The following IQSEC1 variants were observed in gnomAD, a reference collection of about 807,000 sequenced individuals.
IQSEC1 encodes the protein IQ motif and SEC7 domain-containing protein 1.
IQSEC1 carries 31 observed loss-of-function variants against 91.0 expected under a neutral mutation model. That is an observed-to-expected ratio of 0.34 (90% confidence interval 0.26 to 0.46). IQSEC1 has a LOEUF of 0.46. Among genes scored for constraint, IQSEC1 ranks in the 20% least tolerant of loss-of-function variants. The pLI, the probability that IQSEC1 is intolerant of heterozygous loss-of-function variation, is 1.00. For synonymous variants in IQSEC1, 699 were observed against 662.6 expected, an observed-to-expected ratio of 1.05 and a Z score of -0.84; for missense variants, 1,388 against 1,575.6, an observed-to-expected ratio of 0.88 and a Z score of 2.02.
chr3:13,196,217 C>T (rs754328826), intron 1 of IQSEC1, among the ~76,000 whole-genome samples: 1 of 152,090 alleles, frequency 6.6e-6, no homozygotes, highest in Non-Finnish European at 1.5e-5. Context: ...TCAGCTAGGT[C>T]CCAAGAGGAT....
chr3:13,068,013 G>A (rs193267323), intron 1 of IQSEC1, among the ~76,000 whole-genome samples: 39 of 152,336 alleles, frequency 2.6e-4, no homozygotes, highest in Admixed American at 1.9e-3. Context: ...TTGCTGGCCC[G>A]CAGGCAAACC....
chr3:12,941,882 G>A lies in IQSEC1; in HGVS notation c.24-17C>T. The stretch of plus-strand genomic sequence containing the variant: ...CCCTCGACGCTGCAGAGGAGAGAGA[G>A]GTGAGAAGCTTCTGGTAAGCGGGAA... On this transcript the variant is annotated splice_polypyrimidine_tract_variant and intron_variant, in intron 1 of 13. Transcript: ENST00000613206. 6.4e-7 allele frequency: 1 copy of A among 1,562,082 alleles called. No homozygotes were observed. The highest frequency in any genetic ancestry group is 1.2e-5 in the South Asian group (1 of 86,322).
intron 6 of IQSEC1, among the ~76,000 whole-genome samples, chr3:12,916,163 C>A (rs1408964153): frequency 1.3e-5 from 2 of 152,190 alleles, no homozygotes; most frequent in African/African-American, 4.8e-5. Flanking sequence ...CCTACTTTCA[C>A]CCTTACTAGC....
At chr3:13,196,234 A>G (rs1420998588) in intron 1 of IQSEC1, among the ~76,000 whole-genome samples, 2 of 152,136 alleles carry the variant, frequency 1.3e-5, no homozygotes, top group East Asian at 1.9e-4. Flanking sequence ...GGATGCCAAC[A>G]TCGACCGAGA....
chr3:12,955,362 A>C (rs1183891202), intron 1 of IQSEC1, among the ~76,000 whole-genome samples: 1 of 152,214 alleles, frequency 6.6e-6, no homozygotes, highest in Non-Finnish European at 1.5e-5. Flanking sequence ...GCGGAGCCTC[A>C]GAAAGGAAGC....
intron 2 of IQSEC1, among the ~76,000 whole-genome samples, chr3:13,112,828 G>C (rs1360050527): frequency 3.9e-5 from 6 of 152,254 alleles, no homozygotes; most frequent in Non-Finnish European, 7.4e-5. Context: ...GAATGACTCT[G>C]GAGGCTCCCA....
chr3:13,027,486 C>T (rs369577246), intron 1 of IQSEC1, among the ~76,000 whole-genome samples: 1 of 152,202 alleles, frequency 6.6e-6, no homozygotes. Context: ...AATGGCCAGG[C>T]AGGGGCCAGG....
intron 1 of IQSEC1, among the ~76,000 whole-genome samples, chr3:13,004,330 G>C (rs764401657): frequency 6.6e-6 from 1 of 152,178 alleles, no homozygotes; most frequent in Admixed American, 6.5e-5. Flanking sequence ...CATGTGCAAG[G>C]GTAATCAGCT....
chr3:12,996,145 A>C (rs1228503323), intron 1 of IQSEC1, among the ~76,000 whole-genome samples: 2 of 152,158 alleles, frequency 1.3e-5, no homozygotes, highest in Non-Finnish European at 2.9e-5. Context: ...TGGGCAACAG[A>C]GCAAGACTTT....
At chr3:13,198,435 C>T (rs560397148) in intron 1 of IQSEC1, among the ~76,000 whole-genome samples, 20 of 152,224 alleles carry the variant, frequency 1.3e-4, no homozygotes, top group African/African-American at 4.8e-4. Flanking sequence ...ACTCACCAAC[C>T]AGGGTAGGCG....
At chr3:13,089,492 G>T (rs761880527) in intron 2 of IQSEC1, among the ~76,000 whole-genome samples, 28 of 152,180 alleles carry the variant, frequency 1.8e-4, no homozygotes, top group Admixed American at 6.5e-4. Context: ...GGCTGAGGTG[G>T]GAGGATCCCT....
At chr3:12,953,655 G>A (rs1006277533) in intron 1 of IQSEC1, among the ~76,000 whole-genome samples, 1 of 152,168 alleles carries the variant, frequency 6.6e-6, no homozygotes, top group Non-Finnish European at 1.5e-5. Context: ...AGCGTACAGG[G>A]GGCTTCTCAG....
At chr3:13,037,355 C>G (rs7610014) in intron 1 of IQSEC1, among the ~76,000 whole-genome samples, 15,492 of 152,080 alleles carry the variant, frequency 0.1, 2,557 homozygotes, top group African/African-American at 0.35. Flanking sequence ...TTACTGCATC[C>G]CTGTCTGTAA....
At position 12,900,530 on chromosome 3, in the gene IQSEC1, A is replaced by C; in HGVS notation, c.*453T>G. The C allele has an allele frequency of 3.1e-6, 3 of 952,914 alleles. No individual in the cohort carries two copies. The highest frequency in any genetic ancestry group is 3.7e-6 in the Non-Finnish European group (3 of 800,026). 59.0% of individuals were successfully genotyped at this position (952,914 alleles called of 1,614,324 possible). ...TATTTTCATCAACCATATCAGGTCT[A>C]CTTATTTTTTTGCCCATTGTCAATA... On this transcript the variant is annotated 3_prime_UTR_variant, in exon 14 of 14. Coordinates refer to ENST00000613206, the MANE Select transcript of IQSEC1 (RefSeq NM_001134382.3).
At chr3:13,137,529 CA>C (rs1321681936) in intron 2 of IQSEC1, among the ~76,000 whole-genome samples, 1 of 152,226 alleles carries the variant, frequency 6.6e-6, no homozygotes, top group Non-Finnish European at 1.5e-5. Flanking sequence ...AACAGAATGA[CA>C]AACACAAGAT....
chr3:13,218,494 G>T (rs114310174), intron 1 of IQSEC1, among the ~76,000 whole-genome samples: 1 of 152,234 alleles, frequency 6.6e-6, no homozygotes, highest in African/African-American at 2.4e-5. Context: ...AGTCTTTGGC[G>T]GGAGGTGTGG....
chr3:13,094,436 C>T (rs1469274764), intron 2 of IQSEC1, among the ~76,000 whole-genome samples: 1 of 152,286 alleles, frequency 6.6e-6, no homozygotes, highest in East Asian at 1.9e-4. Context: ...CTCCCTCCCC[C>T]AATCATATAC....
chr3:12,924,658 C>T lies in IQSEC1; in HGVS notation c.1653G>A (p.Gln551=). The T allele has an allele frequency of 1.2e-6, 2 of 1,611,108 alleles. No homozygotes were observed. Among genetic ancestry groups the T allele is most frequent in the Non-Finnish European group, 1.7e-6 (2 of 1,178,642 alleles). The change falls in exon 4 of 14, where the codon CAG becomes CAA. Residue 551 remains glutamine (Q), a synonymous_variant. Coordinates refer to ENST00000613206, the MANE Select transcript of IQSEC1 (RefSeq NM_001134382.3). The surrounding 1 kb of genome is among the most constrained non-coding windows in gnomAD (Gnocchi z 6.3). ...TCATCTGCCGGCTGAGGCCCTTGCG[C>T]TGCAGCAGGAAGTGGGCCACCCCGA... The part of the protein sequence containing the change: ...TPVGVAHFLL[Q]RKGLSRQMIG...
chr3:13,105,035 T>G (rs1706129964), intron 2 of IQSEC1, among the ~76,000 whole-genome samples: 2 of 152,224 alleles, frequency 1.3e-5, no homozygotes, highest in Non-Finnish European at 2.9e-5. Flanking sequence ...ATTTTACTTT[T>G]AAAACACATG....
Sources: allele counts gnomAD v4.1 joint callset (sites outside exome capture counted in the v4.1 genomes callset), GRCh38; gene constraint gnomAD v4.1.1; non-coding constraint Gnocchi (gnomAD v3.1); transcripts MANE v1.5; gene names NCBI Gene and HGNC (gene_info 2026-07-23, HGNC 2026-07-21).